PSTPIP2: variants seen among roughly 807,000 people sequenced by gnomAD.
PSTPIP2 encodes the protein proline-serine-threonine phosphatase-interacting protein 2.
A neutral mutation model predicts 63.3 loss-of-function variants in PSTPIP2; 33 were observed. The ratio of observed to expected loss-of-function variants is 0.52; its 90% CI spans 0.40 to 0.70. The LOEUF (loss-of-function observed/expected upper bound fraction) is 0.70. Among genes scored for constraint, PSTPIP2 ranks in the 30% least tolerant of loss-of-function variants. The pLI, the probability that PSTPIP2 is intolerant of heterozygous loss-of-function variation, is 0.00. For synonymous variants in PSTPIP2, 125 were observed against 132.7 expected (o/e 0.94, Z 0.40); for missense variants, 312 against 400.7 (o/e 0.78, Z 1.89).
intron 2 of PSTPIP2, among the ~76,000 whole-genome samples, chr18:46,026,241 CT>C (rs1907573988): frequency 6.6e-6 from 1 of 152,220 alleles, no homozygotes. Flanking sequence ...TATAAATAAT[CT>C]TTTAAAATTG....
At chr18:46,071,651 G>A (rs1909397140) in intron 1 of PSTPIP2, among the ~76,000 whole-genome samples, 1 of 152,136 alleles carries the variant, frequency 6.6e-6, no homozygotes, top group Non-Finnish European at 1.5e-5. Context: ...ACGATCCCGG[G>A]GGGCAGCTGC....
At chr18:45,992,067 T>C (rs985247783) in intron 11 of PSTPIP2, 39 bp downstream of exon 11, 5 of 1,595,034 alleles carry the variant, frequency 3.1e-6, no homozygotes, top group African/African-American at 2.7e-5. Context: ...GCTAATAGAA[T>C]TGTGTAAATA....
intron 1 of PSTPIP2, 79 bp downstream of exon 1, chr18:46,072,076 GC>G: frequency 1.4e-6 from 2 of 1,475,102 alleles, no homozygotes; most frequent in Non-Finnish European, 1.8e-6. Context: ...GAGCTGGGGA[GC>G]CCCCCACGCC....
intron 14 of PSTPIP2, among the ~76,000 whole-genome samples, chr18:45,987,827 T>A (rs1360283736): frequency 6.6e-6 from 1 of 152,164 alleles, no homozygotes; most frequent in East Asian, 1.9e-4. Flanking sequence ...CCTGAGTGCC[T>A]AAGAAAAAGT....
intron 2 of PSTPIP2, chr18:46,028,970 C>G: frequency 1.2e-5 from 12 of 1,042,608 alleles, no homozygotes; most frequent in Non-Finnish European, 1.7e-5. Context: ...GCTCAGATCT[C>G]ATCTGTGCAG....
chr18:46,070,436 C>T (rs1909353180), intron 1 of PSTPIP2, among the ~76,000 whole-genome samples: 1 of 152,174 alleles, frequency 6.6e-6, no homozygotes, highest in African/African-American at 2.4e-5. Flanking sequence ...AGGGGCTTAG[C>T]GCCCGCCTGG....
intron 1 of PSTPIP2, among the ~76,000 whole-genome samples, chr18:46,061,908 T>C (rs1019643588): frequency 4.6e-5 from 7 of 152,266 alleles, no homozygotes; most frequent in African/African-American, 1.7e-4. Context: ...TAGATGCCCA[T>C]ATTTCTAGGG....
intron 2 of PSTPIP2, among the ~76,000 whole-genome samples, chr18:46,031,100 T>C (rs184053961): frequency 1.1e-3 from 170 of 152,380 alleles, no homozygotes; most frequent in African/African-American, 3.9e-3. Flanking sequence ...ATTTTTCCTG[T>C]ATTATATCTC....
intron 14 of PSTPIP2, among the ~76,000 whole-genome samples, chr18:45,987,134 C>T (rs1156621773): frequency 6.6e-6 from 1 of 152,152 alleles, no homozygotes; most frequent in African/African-American, 2.4e-5. Flanking sequence ...CCACTGTGCC[C>T]AGTCATTAGC....
Position 45,990,730 on chromosome 18 carries a change from C to T in PSTPIP2, c.947G>A (p.Ser316Asn), listed in dbSNP as rs371719701. ...CTTTTTTAGTGGCATACCTGGTGAG[C>T]TTTTAGGAATTGGGAGGGGTCCTCT... is the stretch of plus-strand genomic sequence containing the variant. ...ARRGPLPIPK[S>N]SPDDPNYSLV... is the part of the protein sequence containing the mutation. Residue 316 changes from serine (S) to asparagine (N), a missense_variant, in exon 13 of 15, where the codon AGC becomes AAC. Coordinates refer to ENST00000409746, the MANE Select transcript of PSTPIP2 (RefSeq NM_024430.4). 16 of 1,606,042 alleles carry T rather than the reference C, an allele frequency of 1.0e-5. No individual in the cohort carries two copies. The highest frequency in any genetic ancestry group is 1.4e-5 in the Non-Finnish European group (16 of 1,173,446).
intron 1 of PSTPIP2, among the ~76,000 whole-genome samples, chr18:46,041,438 G>A (rs908032306): frequency 1.3e-5 from 2 of 152,078 alleles, no homozygotes; most frequent in African/African-American, 4.8e-5. Context: ...GTAAAGGTGA[G>A]GGTCTCGCCA....
At position 45,991,932 on chromosome 18, in the gene PSTPIP2, G is replaced by T; in HGVS notation, c.890C>A (p.Ala297Glu). The T allele has an allele frequency of 6.2e-7, 1 of 1,613,526 alleles. No individual in the cohort carries two copies. Among genetic ancestry groups the T allele is most frequent in the Non-Finnish European group, 8.5e-7 (1 of 1,179,478 alleles). ...FYSSQKNAVP[A>E]GKATGPNLAR... ...CAAGTTAGGCCCTGTAGCCTTTCCT[G>T]CTGGGACTGCATTCTTCTGGGAGGA... The change falls in exon 12 of 15, where the codon GCA (alanine) becomes GAA (glutamate). Residue 297 changes from alanine (A) to glutamate (E), a missense_variant. Physicochemically the swap from Ala to Glu is moderately radical, Grantham distance 107. Coordinates refer to ENST00000409746, the MANE Select transcript of PSTPIP2 (RefSeq NM_024430.4).
At chr18:46,055,757 T>A (rs1422149511) in intron 1 of PSTPIP2, among the ~76,000 whole-genome samples, 1 of 152,248 alleles carries the variant, frequency 6.6e-6, no homozygotes, top group African/African-American at 2.4e-5. Context: ...ACACTTGATA[T>A]ACTTTTTAAA....
At chr18:46,044,355 A>C (rs759582751) in intron 1 of PSTPIP2, among the ~76,000 whole-genome samples, 21 of 152,226 alleles carry the variant, frequency 1.4e-4, no homozygotes, top group Non-Finnish European at 2.9e-4. Context: ...ATAACACTGC[A>C]TATCTACAAC....
intron 1 of PSTPIP2, among the ~76,000 whole-genome samples, chr18:46,061,983 A>G (rs1430948431): frequency 6.6e-6 from 1 of 152,204 alleles, no homozygotes; most frequent in African/African-American, 2.4e-5. Context: ...CAATAGTAAC[A>G]TTCAAATAGA....
intron 1 of PSTPIP2, among the ~76,000 whole-genome samples, chr18:46,043,372 C>T (rs1908264643): frequency 6.7e-6 from 1 of 148,550 alleles, no homozygotes; most frequent in African/African-American, 2.5e-5. Context: ...GCGTGGGTGA[C>T]AGAGTGAGCC....
At chr18:46,041,971 T>C (rs1441145685) in intron 1 of PSTPIP2, among the ~76,000 whole-genome samples, 1 of 152,016 alleles carries the variant, frequency 6.6e-6, no homozygotes, top group Non-Finnish European at 1.5e-5. Context: ...AAGCAGAATT[T>C]CTCTCTTCCA....
chr18:46,029,003 T>C, intron 2 of PSTPIP2: 1 of 857,438 alleles, frequency 1.2e-6, no homozygotes, highest in Non-Finnish European at 2.0e-6. Flanking sequence ...GCACAGATTG[T>C]GATGGTCGCT....
chr18:46,035,490 A>G (rs985602236), intron 2 of PSTPIP2, among the ~76,000 whole-genome samples: 3 of 151,556 alleles, frequency 2.0e-5, no homozygotes, highest in Admixed American at 6.6e-5. Flanking sequence ...ACTTGGAAGG[A>G]TGGGGAGAAT....
Sources: gnomAD v4.1 joint callset for allele counts (sites outside exome capture counted in the v4.1 genomes callset) on GRCh38, gnomAD v4.1.1 for gene constraint, MANE v1.5 for transcripts, NCBI Gene and HGNC (gene_info 2026-07-23, HGNC 2026-07-21) for gene names.